Variants in ANO2 observed in about 807,000 individuals in gnomAD.
ANO2 encodes the protein anoctamin-2.
Under a neutral mutation model 124.2 loss-of-function variants are expected in ANO2, and 101 were observed. The ratio of observed to expected loss-of-function variants is 0.81; its 90% CI spans 0.69 to 0.96. The LOEUF is 0.96. Ranked by LOEUF, ANO2 falls within the 40% of genes least tolerant of loss-of-function variation. The pLI is 0.00. For synonymous variants in ANO2, 486 were observed against 482.5 expected, an observed-to-expected ratio of 1.01 and a Z score of -0.09; for missense variants, 1,293 against 1,274.5, an observed-to-expected ratio of 1.01 and a Z score of -0.22.
At chr12:5,724,417 A>G (rs1950352366) in intron 14 of ANO2, among the ~76,000 whole-genome samples, 1 of 152,258 alleles carries the variant, frequency 6.6e-6, no homozygotes, top group East Asian at 1.9e-4. Flanking sequence ...AGCCTGGACC[A>G]TGTCTCCCTG....
intron 1 of ANO2, among the ~76,000 whole-genome samples, chr12:5,932,169 A>G (rs12818600): frequency 2.0e-5 from 3 of 148,520 alleles, no homozygotes; most frequent in Non-Finnish European, 1.5e-5. Flanking sequence ...GCAGACGAGT[A>G]AGGAAAGAAG....
intron 10 of ANO2, 85 bp downstream of exon 10, chr12:5,799,422 G>T: frequency 8.7e-7 from 1 of 1,147,382 alleles, no homozygotes; most frequent in Non-Finnish European, 1.3e-6. Context: ...TTGAGCAAAG[G>T]ACTGTCAGAG....
intron 15 of ANO2, among the ~76,000 whole-genome samples, chr12:5,647,166 C>T (rs1946681320): frequency 6.6e-6 from 1 of 152,210 alleles, no homozygotes; most frequent in Non-Finnish European, 1.5e-5. Context: ...CTGTCTTGCC[C>T]ATGCTGGCAA....
intron 3 of ANO2, among the ~76,000 whole-genome samples, chr12:5,883,076 T>C (rs368489539): frequency 1.1e-4 from 17 of 152,018 alleles, no homozygotes; most frequent in East Asian, 1.9e-4. Flanking sequence ...ACGTGCCCCA[T>C]TGGAAACCCC....
At chr12:5,827,951 T>A in intron 6 of ANO2, 131 bp from the exon 7 acceptor site, 1 of 932,216 alleles carries the variant, frequency 1.1e-6, no homozygotes, top group Non-Finnish European at 1.6e-6. Flanking sequence ...AAGCCAAGCA[T>A]GTGCCTGGCT....
intron 15 of ANO2, among the ~76,000 whole-genome samples, chr12:5,640,722 C>A (rs1340659652): frequency 6.6e-6 from 1 of 152,156 alleles, no homozygotes; most frequent in Non-Finnish European, 1.5e-5. Flanking sequence ...AGTCAGGAAA[C>A]AACAGATGCT....
intron 19 of ANO2, among the ~76,000 whole-genome samples, chr12:5,602,718 G>T (rs945654824): frequency 2.6e-5 from 4 of 152,040 alleles, no homozygotes; most frequent in Admixed American, 1.3e-4. Context: ...AAAACATATC[G>T]TCATGAGATT....
intron 7 of ANO2, among the ~76,000 whole-genome samples, chr12:5,810,945 T>C (rs991726400): frequency 6.6e-6 from 1 of 152,136 alleles, no homozygotes; most frequent in South Asian, 2.1e-4. Flanking sequence ...TGAAAACACA[T>C]ACTTGTCATA....
At chr12:5,826,402 A>C (rs906930478) in intron 7 of ANO2, among the ~76,000 whole-genome samples, 1 of 148,646 alleles carries the variant, frequency 6.7e-6, no homozygotes, top group African/African-American at 2.5e-5. Flanking sequence ...AAAGGAGATT[A>C]ACATTTGAGT....
At chr12:5,734,157 G>A (rs1381586766) in intron 13 of ANO2, among the ~76,000 whole-genome samples, 1 of 152,156 alleles carries the variant, frequency 6.6e-6, no homozygotes, top group Non-Finnish European at 1.5e-5. Context: ...AGAACGTATC[G>A]ACTTTCTGAG....
intron 14 of ANO2, among the ~76,000 whole-genome samples, chr12:5,716,650 T>C (rs578125882): frequency 2.0e-5 from 3 of 152,292 alleles, no homozygotes; most frequent in Admixed American, 2.0e-4. Context: ...GGAGAAAATT[T>C]ATGTAAGCTG....
At chr12:5,739,272 G>T in intron 13 of ANO2, 45 bp downstream of exon 13, 1 of 1,511,786 alleles carries the variant, frequency 6.6e-7, no homozygotes, top group Non-Finnish European at 9.0e-7. Context: ...TCAAAACAAA[G>T]CAAAAGCCCA....
rs113999164 is a variant in ANO2, at chr12:5,911,256, A to C, written c.534+9784T>G. On this transcript the variant is annotated intron_variant, in intron 3 of 24. Transcript: ENST00000682330. ...AGGACCCAGCACCTAGTAGGTGCTC[A>C]GTAAATGTCTGCTACATGAAAAGCA... Among the ~76,000 whole-genome samples, 1,147 of 152,280 alleles carry C rather than the reference A, an allele frequency of 7.5e-3. 13 individuals carry two copies. Among genetic ancestry groups the C allele is most frequent in the African/African-American group, 0.026 (1,083 of 41,556 alleles).
At chr12:5,754,501 C>A (rs1951523183) in intron 10 of ANO2, among the ~76,000 whole-genome samples, 1 of 152,080 alleles carries the variant, frequency 6.6e-6, no homozygotes, top group African/African-American at 2.4e-5. Flanking sequence ...ATTAATTTTT[C>A]TTTGAATGTT....
intron 14 of ANO2, among the ~76,000 whole-genome samples, chr12:5,721,823 G>A (rs1462538581): frequency 6.6e-6 from 1 of 152,124 alleles, no homozygotes; most frequent in Non-Finnish European, 1.5e-5. Flanking sequence ...AGTTCGTTAT[G>A]CAGCTGTTCC....
At chr12:5,865,195 G>A (rs1005979211) in intron 3 of ANO2, among the ~76,000 whole-genome samples, 6 of 152,124 alleles carry the variant, frequency 3.9e-5, no homozygotes, top group Non-Finnish European at 7.3e-5. Context: ...TCCTAACAAA[G>A]TTCAATTCAA....
chr12:5,921,574 C>G (rs911080873), intron 2 of ANO2, among the ~76,000 whole-genome samples: 1 of 152,162 alleles, frequency 6.6e-6, no homozygotes, highest in African/African-American at 2.4e-5. Flanking sequence ...CACCTGTTGA[C>G]AGTCTGGGCA....
chr12:5,834,988 T>C (rs1591673102), intron 4 of ANO2, among the ~76,000 whole-genome samples: 1 of 152,200 alleles, frequency 6.6e-6, no homozygotes, highest in East Asian at 1.9e-4. Context: ...CTGTAATGGA[T>C]GCGTAGTATT....
chr12:5,756,264 T>A (rs993997013), intron 10 of ANO2, among the ~76,000 whole-genome samples: 2 of 152,100 alleles, frequency 1.3e-5, no homozygotes, highest in East Asian at 1.9e-4. Context: ...CATGTTATAC[T>A]CCTAATTGTG....
Sources: allele counts gnomAD v4.1 joint callset (sites outside exome capture counted in the v4.1 genomes callset), GRCh38; gene constraint gnomAD v4.1.1; transcripts MANE v1.5; gene names NCBI Gene and HGNC (gene_info 2026-07-23, HGNC 2026-07-21).